Variants in BICDL2 observed in about 807,000 individuals in gnomAD.
BICDL2 encodes BICD family-like cargo adapter 2.
Under a neutral mutation model 56.6 loss-of-function variants are expected in BICDL2, and 62 were observed. The ratio of observed to expected loss-of-function variants is 1.10; its 90% CI spans 0.89 to 1.35. The LOEUF (loss-of-function observed/expected upper bound fraction) is 1.35, where lower values mean the gene tolerates loss of function less well. BICDL2 is among the 40% of genes most tolerant of loss of function. BICDL2 has a pLI of 0.00. For missense variants in BICDL2, 808 were observed against 684.5 expected (o/e 1.18, Z -2.01); for synonymous variants, 358 against 319.8 (o/e 1.12, Z -1.27).
chr16:3,036,189 C>CA, intron 1 of BICDL2: 1 of 431,640 alleles, frequency 2.3e-6, no homozygotes, highest in Non-Finnish European at 4.6e-6. Context: ...TTCATGCCCC[C>CA]ACCCCTCCGG....
chr16:3,033,834 G>A (rs1284950404), intron 2 of BICDL2, among the ~76,000 whole-genome samples: 1 of 152,124 alleles, frequency 6.6e-6, no homozygotes, highest in Non-Finnish European at 1.5e-5. Flanking sequence ...AGGTGCACAG[G>A]CTCTGGTCCT....
At chr16:3,035,181 A>ACCCCCCCCCCCCCCCCC in intron 2 of BICDL2, 34 bp downstream of exon 2, 1 of 34,310 alleles carries the variant, frequency 2.9e-5, no homozygotes, top group Non-Finnish European at 5.3e-5. Flanking sequence ...TCCCCTGCCC[A>ACCCCCCCCCCCCCCCCC]CCCACCCACC....
intron 1 of BICDL2, 105 bp from the exon 2 acceptor site, chr16:3,035,631 C>G: frequency 9.6e-7 from 1 of 1,042,940 alleles, no homozygotes; most frequent in African/African-American, 1.6e-5. Context: ...GTCCTGCAGC[C>G]AGGGCTTCCT....
chr16:3,029,073 T>C (rs1432850622), intron 7 of BICDL2, among the ~76,000 whole-genome samples: 1 of 151,892 alleles, frequency 6.6e-6, no homozygotes, highest in African/African-American at 2.4e-5. Flanking sequence ...GGGAGAAGCA[T>C]TGGGAGTGGA....
intron 2 of BICDL2, 39 bp downstream of exon 2, chr16:3,035,176 T>TCCCCCCCCCCCCCCCCCCCCCCCCCCC: frequency 1.5e-5 from 2 of 136,274 alleles, no homozygotes; most frequent in Non-Finnish European, 2.7e-5. Flanking sequence ...CGTCCTCCCC[T>TCCCCCCCCCCCCCCCCCCCCCCCCCCC]GCCCACCCAC....
Position 3,031,060 on chromosome 16 carries a change from C to T in BICDL2, c.373G>A (p.Val125Met), listed in dbSNP as rs189900146. Residue 125 changes from valine to methionine, a missense_variant, in exon 3 of 10, where the codon GTG becomes ATG. Physicochemically the swap from Val to Met is conservative, Grantham distance 21 (BLOSUM62 1). Transcript: ENST00000572449. ...EARAVELEGD[V>M]EALRAQLGEQ... ...CCAAGCTGGGCCCGCAGGGCCTCCA[C>T]GTCCCCCTCCAGCTCCACGGCCCGG... 1,123 of 1,538,242 alleles carry T rather than the reference C, an allele frequency of 7.3e-4. 7 individuals are homozygous for T. In the African/African-American group the frequency reaches 0.012, roughly 16 times the overall value.
chr16:3,030,870 C>A lies in BICDL2; in HGVS notation c.499-58G>T, dbSNP rs994260354. 10 of 1,554,092 alleles carry A rather than the reference C, an allele frequency of 6.4e-6. No homozygotes were observed. Among genetic ancestry groups the A allele is most frequent in the Non-Finnish European group, 8.7e-6 (10 of 1,153,416 alleles). ...CAGCACCAAGCCCAATGCACCTACT[C>A]CCCGCTGGGGACCCAGGCATCCTCC... On this transcript the variant is annotated intron_variant, in intron 3 of 9. Coordinates refer to ENST00000572449, the MANE Select transcript of BICDL2 (RefSeq NM_001369667.1).
intron 2 of BICDL2, 40 bp downstream of exon 2, chr16:3,035,175 C>CAGGGCCCCGGGGGGGGGGGGGGGGGG: frequency 2.6e-6 from 1 of 387,928 alleles, no homozygotes; most frequent in East Asian, 4.5e-5. Flanking sequence ...CCGTCCTCCC[C>CAGGGCCCCGGGGGGGGGGGGGGGGGG]TGCCCACCCA....
chr16:3,036,710 G>C (rs1269100159), intron 1 of BICDL2, 184 bp downstream of exon 1: 4 of 441,670 alleles, frequency 9.1e-6, no homozygotes, highest in South Asian at 6.2e-5. Context: ...CCCAGGCGTC[G>C]GAAGCCCAGA....
Position 3,030,682 on chromosome 16 carries a change from C to A in BICDL2, c.615+14G>T. The A allele has an allele frequency of 6.2e-7, 1 of 1,607,366 alleles. No homozygotes were observed. The highest frequency in any genetic ancestry group is 8.5e-7 in the Non-Finnish European group (1 of 1,178,050). On this transcript the variant is annotated intron_variant, in intron 4 of 9. Transcript: ENST00000572449. The stretch of plus-strand genomic sequence containing the variant: ...TTTGGCTCAGATAATCCCCCAGCCC[C>A]AGCTGACACTCACTTCCCCCTGCAG...
chr16:3,028,366 C>T lies in BICDL2; in HGVS notation c.1341G>A (p.Gln447=), dbSNP rs888788898. 3 of 1,550,682 alleles carry T rather than the reference C, an allele frequency of 1.9e-6. No homozygotes were observed. Residue 447 remains glutamine, a synonymous_variant, in exon 9 of 10, where the codon CAG becomes CAA. Transcript: ENST00000572449. ...CCCTCACCTGCCAGGCCTCCAGCTCCTGCGTGAGCGCCACCTTCTGGCGGA... is the reference window on the plus strand; with the variant it reads ...CCCTCACCTGCCAGGCCTCCAGCTCTTGCGTGAGCGCCACCTTCTGGCGGA... ...RAIRQKVALT[Q]ELEAWQDDMQ...
Position 3,035,245 on chromosome 16 carries a change from C to T in BICDL2, c.252G>A (p.Thr84=), listed in dbSNP as rs1472335788. The change falls in exon 2 of 10, where the codon ACG becomes ACA. Residue 84 remains threonine (T), a synonymous_variant. Coordinates refer to ENST00000572449, the MANE Select transcript of BICDL2 (RefSeq NM_001369667.1). ...RNEELRRQLE[T]LSAQHLEREE... ...CACGCTCCAAGTGCTGGGCGCTCAG[C>T]GTCTCCAGCTGCCGCCGCAGCTCTT... is the stretch of plus-strand genomic sequence containing the variant. The T allele has an allele frequency of 4.0e-6, 6 of 1,511,736 alleles. No homozygotes were observed. The highest frequency in any genetic ancestry group is 5.3e-6 in the Non-Finnish European group (6 of 1,123,730). The allele number at this position is 1,511,736 out of a possible 1,614,324, so 93.6% of individuals were successfully genotyped here.
intron 2 of BICDL2, among the ~76,000 whole-genome samples, chr16:3,033,617 C>T (rs1169878534): frequency 6.6e-6 from 1 of 151,984 alleles, no homozygotes; most frequent in Non-Finnish European, 1.5e-5. Flanking sequence ...CTCATCTCTA[C>T]AAAAAATGCA....
In BICDL2 at chr16:3,028,752, G is replaced by C. The variant is rs1251988206; in HGVS notation, c.1186C>G (p.Pro396Ala). Reference protein sequence around the residue: ...RQKELRAQEDPGEALHSALSD... With the variant: ...RQKELRAQEDAGEALHSALSD... ...AGGGCACTGTGCAGGGCCTCCCCAG[G>C]GTCTTCCTGCGCCCGCAGCTCCTTC... Residue 396 changes from proline (P) to alanine (A), a missense_variant, in exon 8 of 10, where the codon CCT (proline) becomes GCT (alanine). Coordinates refer to ENST00000572449, the MANE Select transcript of BICDL2 (RefSeq NM_001369667.1). 6.4e-7 allele frequency: 1 copy of C among 1,562,648 alleles called. No individual in the cohort carries two copies. The highest frequency in any genetic ancestry group is 1.4e-5 in the African/African-American group (1 of 73,546).
intron 1 of BICDL2, chr16:3,036,333 G>A (rs1289960613): frequency 1.8e-5 from 8 of 444,080 alleles, no homozygotes; most frequent in Non-Finnish European, 3.1e-5. Context: ...TTCCCGGTCC[G>A]CCCCTGGGGA....
At chr16:3,035,111 G>T in intron 2 of BICDL2, 104 bp downstream of exon 2, 1 of 1,186,018 alleles carries the variant, frequency 8.4e-7, no homozygotes, top group Non-Finnish European at 1.2e-6. Context: ...GTCCTCCCCA[G>T]CTCCTCTCTC....
At position 3,027,832 on chromosome 16, in the gene BICDL2, A is replaced by G. The variant is rs1596479780; in HGVS notation, c.*274T>C. The G allele has an allele frequency of 1.2e-6, 1 of 839,044 alleles. No individual in the cohort carries two copies. Among genetic ancestry groups the G allele is most frequent in the Non-Finnish European group, 1.8e-6 (1 of 565,698 alleles). 52.0% of individuals were successfully genotyped at this position (839,044 alleles called of 1,614,324 possible). A position where few individuals can be genotyped will look rare whatever the true frequency, so the allele number is the denominator to read the frequency against. On this transcript the variant is annotated 3_prime_UTR_variant, in exon 10 of 10. Coordinates refer to ENST00000572449, the MANE Select transcript of BICDL2 (RefSeq NM_001369667.1). ...CTCTGTCCGATCTTGATACATAAAT[A>G]CCCAGCCCCATCCCTGCCCTAGAAA...
Position 3,028,274 on chromosome 16 carries a change from C to T in BICDL2, c.1360-1G>A. 1 of 1,491,456 alleles carries T rather than the reference C, an allele frequency of 6.7e-7. No individual in the cohort carries two copies. The highest frequency in any genetic ancestry group is 8.8e-7 in the Non-Finnish European group (1 of 1,134,088). The allele number at this position is 1,491,456 out of a possible 1,614,324, so 92.4% of individuals were successfully genotyped here. A position where few individuals can be genotyped will look rare whatever the true frequency, so the allele number is the denominator to read the frequency against. ...GCCCGATCACCACCTGCATGTCGTC[C>T]TGCGGGAGGCCGTGGTCGGCTCAGC... On this transcript the variant is annotated splice_acceptor_variant, in intron 9 of 9. Transcript: ENST00000572449. LOFTEE classifies it high-confidence loss of function.
intron 2 of BICDL2, among the ~76,000 whole-genome samples, chr16:3,033,954 AG>A (rs1222803476): frequency 6.6e-6 from 1 of 152,060 alleles, no homozygotes; most frequent in Non-Finnish European, 1.5e-5. Context: ...CCTGGTGGAG[AG>A]GGTTAGCTAC....
Sources: allele counts gnomAD v4.1 joint callset (sites outside exome capture counted in the v4.1 genomes callset), GRCh38; gene constraint gnomAD v4.1.1; transcripts MANE v1.5; gene names NCBI Gene and HGNC (gene_info 2026-07-23, HGNC 2026-07-21).